The following KIF26A variants were observed in gnomAD, a reference collection of about 807,000 sequenced individuals.
The protein encoded by KIF26A is kinesin-like protein KIF26A.
Under a neutral mutation model 126.0 loss-of-function variants are expected in KIF26A, and 74 were observed. The ratio of observed to expected loss-of-function variants is 0.59; its 90% CI spans 0.49 to 0.71. The LOEUF (loss-of-function observed/expected upper bound fraction) is 0.71. Ranked by LOEUF, KIF26A falls within the 30% of genes least tolerant of loss-of-function variation. KIF26A has a pLI of 0.00. For missense variants in KIF26A, 2,984 were observed against 2,763.3 expected, an observed-to-expected ratio of 1.08 and a Z score of -1.79; for synonymous variants, 1,445 against 1,232.7, an observed-to-expected ratio of 1.17 and a Z score of -3.61.
rs200620197 is a variant in KIF26A at position 104,179,692 on chromosome 14, G to A, written c.5551G>A (p.Val1851Met). The change falls in exon 15 of 15, where the codon GTG (valine) becomes ATG (methionine). Residue 1851 changes from valine to methionine, a missense_variant. By Grantham distance (21) the Val-to-Met change is conservative. Coordinates refer to ENST00000423312, the MANE Select transcript of KIF26A (RefSeq NM_015656.2). ...AGCCACGGCGGCCCTGGAGCAGTGC[G>A]TGAACCTGTGCAAGGCGCACGTCAT... is the stretch of plus-strand genomic sequence containing the variant. Reference protein sequence around the residue: ...ERATAALEQCVNLCKAHVMMV... With the variant: ...ERATAALEQCMNLCKAHVMMV... 6.2e-5 allele frequency: 96 copies of A among 1,549,762 alleles called. No homozygotes were observed. Among genetic ancestry groups the A allele is most frequent in the South Asian group, 2.1e-4 (18 of 84,040 alleles).
At chr14:104,167,182 T>C (rs946637451) in intron 5 of KIF26A, 134 bp downstream of exon 5, 3 of 979,150 alleles carry the variant, frequency 3.1e-6, no homozygotes, top group Non-Finnish European at 4.3e-6. Flanking sequence ...TGGGGTGCCA[T>C]GGGGAGACTG....
intron 4 of KIF26A, among the ~76,000 whole-genome samples, chr14:104,161,798 C>T (rs920937828): frequency 4.6e-5 from 7 of 152,234 alleles, no homozygotes; most frequent in African/African-American, 7.2e-5. Context: ...TCAGGGCAGG[C>T]TTCCTGGAGG....
rs779331581 is a variant in KIF26A, at chr14:104,175,254, C to G, written c.2466C>G (p.Ser822Arg). ...TCGTGCCCATCATCCCTGCCCTGAG[C>G]CGCCACCGGCCCTCCAAGGGTCCCC... The part of the protein sequence containing the change: ...PDFVPIIPAL[S>R]RHRPSKGPRD... Residue 822 changes from serine to arginine, a missense_variant, in exon 12 of 15, where the codon AGC (serine) becomes AGG (arginine). Physicochemically the swap from Ser to Arg is moderately radical, Grantham distance 110 (BLOSUM62 -1). Coordinates refer to ENST00000423312, the MANE Select transcript of KIF26A (RefSeq NM_015656.2). 42 of 1,607,246 alleles carry G rather than the reference C, an allele frequency of 2.6e-5. No individual in the cohort carries two copies. Among genetic ancestry groups the G allele is most frequent in the Non-Finnish European group, 3.6e-5 (42 of 1,179,606 alleles).
At chr14:104,178,159 C>T (rs1380362301) in intron 12 of KIF26A, among the ~76,000 whole-genome samples, 2 of 152,124 alleles carry the variant, frequency 1.3e-5, no homozygotes, top group Admixed American at 6.5e-5. Flanking sequence ...TGATCCTGGT[C>T]TGTGTCTGGG....
In KIF26A at chr14:104,174,283, C is replaced by G; in HGVS notation, c.2166C>G (p.Ile722Met). The G allele has an allele frequency of 6.4e-7, 1 of 1,558,362 alleles. No homozygotes were observed. Among genetic ancestry groups the G allele is most frequent in the Non-Finnish European group, 8.7e-7 (1 of 1,152,286 alleles). Residue 722 changes from isoleucine to methionine, a missense_variant, in exon 11 of 15, where the codon ATC (isoleucine) becomes ATG (methionine). Physicochemically the swap from Ile to Met is conservative, Grantham distance 10 (BLOSUM62 1). Coordinates refer to ENST00000423312, the MANE Select transcript of KIF26A (RefSeq NM_015656.2). ...GCACCGTGCAGCTCGCCGCCCGCAT[C>G]CACCGCCTGCGCAGGAAGAAGGCCA... ...TLSTVQLAARIHRLRRKKAKY... is the reference protein window; with the variant it reads ...TLSTVQLAARMHRLRRKKAKY...
At chr14:104,165,633 GTCTGTGTTTCTGTATGCATGTGTGTGTA>G (rs2037886906) in intron 4 of KIF26A, among the ~76,000 whole-genome samples, 1 of 135,260 alleles carries the variant, frequency 7.4e-6, no homozygotes, top group Admixed American at 6.9e-5. Flanking sequence ...GCATGTGTGT[GTCTGTGTTTCTGTATGCATGTGTGTGTA>G]TCTGTGTTTC....
At chr14:104,164,989 TTCTG>T (rs1443306674) in intron 4 of KIF26A, among the ~76,000 whole-genome samples, 2 of 151,128 alleles carry the variant, frequency 1.3e-5, no homozygotes, top group African/African-American at 2.4e-5. Context: ...CTGTGTGTGT[TTCTG>T]TATGCGTGCA....
Position 104,179,392 on chromosome 14 carries a change from T to C in KIF26A, c.5467+6T>C, listed in dbSNP as rs1027008578. Reference sequence around the variant, plus strand: ...TGGCCGCTGGCTGGAGCAGTGTGAGTCCCGCCCGCCCACGGACCCAGCCCG... The same window carrying C: ...TGGCCGCTGGCTGGAGCAGTGTGAGCCCCGCCCGCCCACGGACCCAGCCCG... On this transcript the variant is annotated splice_donor_region_variant and intron_variant, in intron 14 of 14. Coordinates refer to ENST00000423312, the MANE Select transcript of KIF26A (RefSeq NM_015656.2). The C allele has an allele frequency of 3.3e-6, 5 of 1,500,798 alleles. No individual in the cohort carries two copies. Among genetic ancestry groups the C allele is most frequent in the Non-Finnish European group, 4.4e-6 (5 of 1,129,810 alleles). 93.0% of individuals were successfully genotyped at this position (1,500,798 alleles called of 1,614,324 possible). A position where few individuals can be genotyped will look rare whatever the true frequency, so the allele number is the denominator to read the frequency against.
At chr14:104,167,885 C>T (rs1014135991) in intron 5 of KIF26A, among the ~76,000 whole-genome samples, 1 of 152,204 alleles carries the variant, frequency 6.6e-6, no homozygotes, top group Non-Finnish European at 1.5e-5. Context: ...CTCTGTGCCC[C>T]ACATGGGCCA....
At chr14:104,174,476 T>TG (rs796125891) in intron 11 of KIF26A, among the ~76,000 whole-genome samples, 166 bp downstream of exon 11, 1 of 152,032 alleles carries the variant, frequency 6.6e-6, no homozygotes, top group Non-Finnish European at 1.5e-5. Context: ...TGGCCCTCCC[T>TG]GGGGGGTGGG....
At chr14:104,178,796 G>A in intron 13 of KIF26A, 41 bp downstream of exon 13, 1 of 1,186,102 alleles carries the variant, frequency 8.4e-7, no homozygotes, top group Non-Finnish European at 1.2e-6. Flanking sequence ...CCCCTGGTGG[G>A]GAGCCTGCCG....
chr14:104,178,015 G>A (rs2038054470), intron 12 of KIF26A, 117 bp downstream of exon 12: 2 of 1,184,784 alleles, frequency 1.7e-6, no homozygotes, highest in East Asian at 5.7e-5. Flanking sequence ...CAGCCTTCAA[G>A]GTCCCAGACC....
At chr14:104,168,629 G>A (rs1470206245) in intron 5 of KIF26A, among the ~76,000 whole-genome samples, 2 of 152,202 alleles carry the variant, frequency 1.3e-5, no homozygotes, top group African/African-American at 2.4e-5. Flanking sequence ...CTGACTCTGG[G>A]TCTCCACCCC....
At chr14:104,153,555 G>A (rs867000506) in intron 3 of KIF26A, among the ~76,000 whole-genome samples, 1 of 113,442 alleles carries the variant, frequency 8.8e-6, no homozygotes, top group Non-Finnish European at 2.0e-5. Flanking sequence ...TGGCCCCAGA[G>A]CCGAACCCCA....
At position 104,172,965 on chromosome 14, in the gene KIF26A, C is replaced by T. The variant is rs745648366; in HGVS notation, c.1421-12C>T. The stretch of plus-strand genomic sequence containing the variant: ...GGTGTGTGGTGGGGCCTGACGCCTG[C>T]GTGGCCCCCAGGCAAGTCGTACACC... On this transcript the variant is annotated splice_polypyrimidine_tract_variant and intron_variant, in intron 7 of 14. Coordinates refer to ENST00000423312, the MANE Select transcript of KIF26A (RefSeq NM_015656.2). 25 of 1,577,698 alleles carry T rather than the reference C, an allele frequency of 1.6e-5. No homozygotes were observed. Among genetic ancestry groups the T allele is most frequent in the South Asian group, 9.2e-5 (8 of 86,926 alleles).
At position 104,175,354 on chromosome 14, in the gene KIF26A, G is replaced by C. The variant is rs1273794112; in HGVS notation, c.2566G>C (p.Gly856Arg). 2 of 1,602,386 alleles carry C rather than the reference G, an allele frequency of 1.2e-6. No homozygotes were observed. The highest frequency in any genetic ancestry group is 1.1e-5 in the South Asian group (1 of 90,804). ...ERLECMDGNE[G>R]PSGGPGGTDG... Reference sequence around the variant, plus strand: ...GCTGGAATGCATGGACGGCAACGAGGGTCCCTCAGGAGGTCCAGGTGGCAC... The same window carrying C: ...GCTGGAATGCATGGACGGCAACGAGCGTCCCTCAGGAGGTCCAGGTGGCAC... Residue 856 changes from glycine to arginine, a missense_variant, in exon 12 of 15, where the codon GGT (glycine) becomes CGT (arginine). Physicochemically the swap from Gly to Arg is moderately radical, Grantham distance 125. Coordinates refer to ENST00000423312, the MANE Select transcript of KIF26A (RefSeq NM_015656.2).
chr14:104,157,783 T>C lies in KIF26A; in HGVS notation c.764T>C (p.Val255Ala), dbSNP rs757178069. The C allele has an allele frequency of 1.1e-5, 18 of 1,610,390 alleles. No individual in the cohort carries two copies. The highest frequency in any genetic ancestry group is 1.5e-5 in the Non-Finnish European group (18 of 1,178,972). The change falls in exon 4 of 15, where the codon GTG becomes GCG. Residue 255 changes from valine (V) to alanine (A), a missense_variant. Coordinates refer to ENST00000423312, the MANE Select transcript of KIF26A (RefSeq NM_015656.2). The part of the protein sequence containing the change: ...LAEAAVAAVA[V>A]ADTVRECPPV... ...GAGGCAGCGGTGGCGGCCGTGGCGG[T>C]GGCAGACACGGTCCGAGAATGCCCC...
At chr14:104,150,407 A>C (rs529276742) in intron 2 of KIF26A, among the ~76,000 whole-genome samples, 67 of 151,898 alleles carry the variant, frequency 4.4e-4, no homozygotes, top group African/African-American at 1.5e-3. Flanking sequence ...GCTGGGCCTG[A>C]TGGGGGTCGC....
Position 104,168,403 on chromosome 14 carries a change from G to T in KIF26A, c.1113+1355G>T, listed in dbSNP as rs184810295. ...CAGGGCAGCCCTGGCCTGAATTGAC[G>T]GTGGCTACTGGTCTGGGGCAGTGGT... On this transcript the variant is annotated intron_variant, in intron 5 of 14. Coordinates refer to ENST00000423312, the MANE Select transcript of KIF26A (RefSeq NM_015656.2). Among the ~76,000 whole-genome samples the T allele has an allele frequency of 8.7e-4, 132 of 152,320 alleles. 1 individual carries two copies. Among genetic ancestry groups the T allele is most frequent in the African/African-American group, 3.0e-3 (126 of 41,572 alleles).
Sources: allele counts gnomAD v4.1 joint callset (sites outside exome capture counted in the v4.1 genomes callset), GRCh38; gene constraint gnomAD v4.1.1; transcripts MANE v1.5; gene names NCBI Gene and HGNC (gene_info 2026-07-23, HGNC 2026-07-21).